Variants in TNFRSF8 observed in about 807,000 individuals in gnomAD.
TNFRSF8 encodes TNF receptor superfamily member 8, also known as tumor necrosis factor receptor superfamily member 8.
TNFRSF8 carries 26 observed loss-of-function variants against 70.8 expected under a neutral mutation model. That is an observed-to-expected ratio of 0.37 (90% CI 0.27 to 0.51). The LOEUF is 0.51. Among genes scored for constraint, TNFRSF8 ranks in the 20% least tolerant of loss-of-function variants. The pLI, the probability that TNFRSF8 is intolerant of heterozygous loss-of-function variation, is 0.94. For missense variants in TNFRSF8, 720 were observed against 807.9 expected (o/e 0.89, Z 1.32); for synonymous variants, 356 against 339.2 (o/e 1.05, Z -0.54).
intron 1 of TNFRSF8, among the ~76,000 whole-genome samples, chr1:12,078,343 C>A (rs1020110590): frequency 2.0e-5 from 3 of 152,004 alleles, no homozygotes; most frequent in African/African-American, 7.3e-5. Flanking sequence ...GTGGGTGGCT[C>A]ATTTGAGGTC....
intron 1 of TNFRSF8, among the ~76,000 whole-genome samples, chr1:12,076,465 T>G (rs1640969890): frequency 6.6e-6 from 1 of 152,174 alleles, no homozygotes; most frequent in African/African-American, 2.4e-5. Context: ...TTCTTCTTTC[T>G]TCAACTCTTA....
intron 1 of TNFRSF8, among the ~76,000 whole-genome samples, chr1:12,073,625 A>G (rs1323150234): frequency 8.0e-6 from 1 of 125,058 alleles, no homozygotes; most frequent in Non-Finnish European, 1.6e-5. Context: ...ACAGAGTCTC[A>G]CTCTGTCGCC....
At chr1:12,073,922 T>C (rs1640892734) in intron 1 of TNFRSF8, among the ~76,000 whole-genome samples, 1 of 151,786 alleles carries the variant, frequency 6.6e-6, no homozygotes, top group South Asian at 2.1e-4. Flanking sequence ...GTAGCTGCCA[T>C]TGTCCCGTGG....
chr1:12,134,394 T>C (rs1148472), intron 12 of TNFRSF8, among the ~76,000 whole-genome samples: 115,410 of 152,120 alleles, frequency 0.76, 44,633 homozygotes, highest in African/African-American at 0.9. Context: ...CCAGGATGAG[T>C]TAGATGCCCG....
At position 12,111,959 on chromosome 1, in the gene TNFRSF8, C is replaced by T. The variant is rs762191683; in HGVS notation, c.738C>T (p.Pro246=). The T allele has an allele frequency of 1.2e-5, 20 of 1,614,202 alleles. No individual in the cohort carries two copies. Among genetic ancestry groups the T allele is most frequent in the East Asian group, 4.5e-5 (2 of 44,878 alleles). Residue 246 remains proline (P), a synonymous_variant, in exon 7 of 15, where the codon CCC becomes CCT. Transcript: ENST00000263932. ...GTGATTGCAGAAAGCAGTGTGAGCCCGACTACTACCTGGACGAGGCCGGCC... is the reference window on the plus strand; with the variant it reads ...GTGATTGCAGAAAGCAGTGTGAGCCTGACTACTACCTGGACGAGGCCGGCC... The part of the protein sequence containing the change: ...GSGDCRKQCE[P]DYYLDEAGRC...
intron 3 of TNFRSF8, among the ~76,000 whole-genome samples, chr1:12,099,444 C>G (rs928954710): frequency 1.3e-5 from 2 of 151,960 alleles, no homozygotes; most frequent in Non-Finnish European, 2.9e-5. Context: ...CATTCCCGGC[C>G]CAATTTCTTA....
chr1:12,077,183 C>CA (rs1640980591), intron 1 of TNFRSF8, among the ~76,000 whole-genome samples: 1 of 152,172 alleles, frequency 6.6e-6, no homozygotes. Flanking sequence ...CTCAGCCTCC[C>CA]AAAGAGCTGG....
intron 2 of TNFRSF8, among the ~76,000 whole-genome samples, chr1:12,095,914 C>T (rs2100984064): frequency 6.6e-6 from 1 of 152,338 alleles, no homozygotes; most frequent in African/African-American, 2.4e-5. Flanking sequence ...TCTGAGTCAC[C>T]TCCTTCTTAG....
chr1:12,123,646 G>A, intron 9 of TNFRSF8, 69 bp from the exon 10 acceptor site: 5 of 1,346,344 alleles, frequency 3.7e-6, no homozygotes, highest in African/African-American at 1.4e-5. Flanking sequence ...CAGAGAAAGG[G>A]AATTATTCCT....
At chr1:12,092,737 T>G (rs1392655452) in intron 2 of TNFRSF8, among the ~76,000 whole-genome samples, 3 of 152,084 alleles carry the variant, frequency 2.0e-5, no homozygotes, top group Non-Finnish European at 4.4e-5. Context: ...CTCGATCTCC[T>G]GACCTCGTGA....
Position 12,109,531 on chromosome 1 carries a change from C to T in TNFRSF8, c.422-35C>T. ...ATTCCGGGAGACTTTGGGTCCCCAA[C>T]ACTGATTCTGAAGGCACTGCTGTCC... On this transcript the variant is annotated intron_variant, in intron 4 of 14. Coordinates refer to ENST00000263932, the MANE Select transcript of TNFRSF8 (RefSeq NM_001243.5). This position sits in a 1 kb window ranked among gnomAD's most constrained non-coding sequence, Gnocchi z 4.4. The T allele has an allele frequency of 6.3e-7, 1 of 1,584,158 alleles. No homozygotes were observed. Among genetic ancestry groups the T allele is most frequent in the Non-Finnish European group, 8.7e-7 (1 of 1,154,492 alleles).
At chr1:12,092,141 A>C (rs1641257511) in intron 2 of TNFRSF8, among the ~76,000 whole-genome samples, 1 of 152,074 alleles carries the variant, frequency 6.6e-6, no homozygotes, top group Non-Finnish European at 1.5e-5. Flanking sequence ...CTCTGTGTCC[A>C]AATTTCCCCT....
At chr1:12,100,317 C>T (rs1278856998) in intron 3 of TNFRSF8, among the ~76,000 whole-genome samples, 1 of 152,148 alleles carries the variant, frequency 6.6e-6, no homozygotes, top group Admixed American at 6.6e-5. Context: ...TTACTATGCA[C>T]TACTGTGGAC....
At chr1:12,069,881 C>T (rs906293185) in intron 1 of TNFRSF8, among the ~76,000 whole-genome samples, 27 of 152,058 alleles carry the variant, frequency 1.8e-4, no homozygotes, top group African/African-American at 5.8e-4. Flanking sequence ...GACTTGCAGA[C>T]GGTAACATAC....
chr1:12,104,708 C>G (rs946328566), intron 4 of TNFRSF8, among the ~76,000 whole-genome samples, 177 bp downstream of exon 4: 2 of 152,224 alleles, frequency 1.3e-5, no homozygotes, highest in Admixed American at 1.3e-4. Flanking sequence ...TTCTGCTGCC[C>G]TCCCCCACCT....
chr1:12,135,148 T>C (rs1453601955), intron 12 of TNFRSF8, among the ~76,000 whole-genome samples: 1 of 151,632 alleles, frequency 6.6e-6, no homozygotes, highest in East Asian at 1.9e-4. Context: ...ACCCCGTCTC[T>C]ACTGAAAATA....
At position 12,112,878 on chromosome 1, in the gene TNFRSF8, G is replaced by A. The variant is rs898610201; in HGVS notation, c.793+864G>A. Among the ~76,000 whole-genome samples the A allele has an allele frequency of 3.9e-5, 6 of 152,178 alleles. No individual in the cohort carries two copies. The highest frequency in any genetic ancestry group is 5.9e-5 in the Non-Finnish European group (4 of 68,044). The stretch of plus-strand genomic sequence containing the variant: ...CTGTTAGAGGCCCTGGCTATTCACG[G>A]AGGCCACTGGGAATGTGTGTCTGTC... On this transcript the variant is annotated intron_variant, in intron 7 of 14. Coordinates refer to ENST00000263932, the MANE Select transcript of TNFRSF8 (RefSeq NM_001243.5). The surrounding 1 kb of genome is among the most constrained non-coding windows in gnomAD (Gnocchi z 5.3).
chr1:12,131,631 C>T (rs1557604329), intron 12 of TNFRSF8, among the ~76,000 whole-genome samples: 1 of 151,904 alleles, frequency 6.6e-6, no homozygotes, highest in Non-Finnish European at 1.5e-5. Flanking sequence ...GTAGCTGGGA[C>T]TACAGATACA....
Position 12,138,067 on chromosome 1 carries a change from C to G in TNFRSF8, c.1336-162C>G, listed in dbSNP as rs980031748. Among the ~76,000 whole-genome samples, 1 of 152,028 alleles carries G rather than the reference C, an allele frequency of 6.6e-6. No homozygotes were observed. Among genetic ancestry groups the G allele is most frequent in the Non-Finnish European group, 1.5e-5 (1 of 67,988 alleles). Reference sequence around the variant, plus strand: ...TACAAATTAAAAGCAACAGACTTCACCCAGAAAGCTGAGAAGCCCGGGGCA... The same window carrying G: ...TACAAATTAAAAGCAACAGACTTCAGCCAGAAAGCTGAGAAGCCCGGGGCA... On this transcript the variant is annotated intron_variant, in intron 13 of 14. Transcript: ENST00000263932. The surrounding 1 kb of genome is among the most constrained non-coding windows in gnomAD (Gnocchi z 5.7).
Sources: gnomAD v4.1 joint callset for allele counts (sites outside exome capture counted in the v4.1 genomes callset) on GRCh38, gnomAD v4.1.1 for gene constraint, Gnocchi (gnomAD v3.1) non-coding constraint, MANE v1.5 for transcripts, NCBI Gene and HGNC (gene_info 2026-07-23, HGNC 2026-07-21) for gene names.